Variants in TUSC3 observed in about 807,000 individuals in gnomAD.
TUSC3 encodes dolichyl-diphosphooligosaccharide--protein glycosyltransferase subunit TUSC3.
TUSC3 carries 45 observed loss-of-function variants against 44.8 expected under a neutral mutation model. That is an observed-to-expected ratio of 1.00 (90% CI 0.79 to 1.29). The LOEUF (loss-of-function observed/expected upper bound fraction) is 1.29, where lower values mean the gene tolerates loss of function less well. Among genes scored for constraint, TUSC3 ranks in the 50% most tolerant of loss-of-function variants. The probability of loss-of-function intolerance (pLI) is 0.00; values close to 1 mark genes in which losing one functional copy is unlikely to be tolerated. For synonymous variants in TUSC3, 212 were observed against 152.9 expected, an observed-to-expected ratio of 1.39 and a Z score of -2.85; for missense variants, 519 against 437.9, an observed-to-expected ratio of 1.19 and a Z score of -1.65.
upstream of TUSC3, among the ~76,000 whole-genome samples, chr8:15,535,679 GCA>G (rs1563276888): frequency 1.9e-4 from 29 of 152,280 alleles, no homozygotes; most frequent in African/African-American, 6.7e-4. Flanking sequence ...CATGGAGTTT[GCA>G]TCCTAACGGG....
At chr8:15,481,369 C>T (rs1028038839) in intron 1 of TUSC3, among the ~76,000 whole-genome samples, 1 of 151,962 alleles carries the variant, frequency 6.6e-6, no homozygotes, top group Non-Finnish European at 1.5e-5. Context: ...GTAGCAGCTT[C>T]CTTATTAAAG....
chr8:15,548,484 G>T (rs1585090181), intron 1 of TUSC3, among the ~76,000 whole-genome samples: 1 of 151,818 alleles, frequency 6.6e-6, no homozygotes, highest in African/African-American at 2.4e-5. Flanking sequence ...TGGAGTGTGT[G>T]TATGAGAATG....
intron 1 of TUSC3, among the ~76,000 whole-genome samples, chr8:15,606,861 T>G (rs1371443259): frequency 1.3e-5 from 2 of 152,126 alleles, no homozygotes; most frequent in Non-Finnish European, 2.9e-5. Flanking sequence ...ATAGCCATAT[T>G]GTATCCCTTG....
chr8:15,725,517 A>G (rs1037475217), intron 6 of TUSC3, among the ~76,000 whole-genome samples: 6 of 152,316 alleles, frequency 3.9e-5, no homozygotes, highest in African/African-American at 1.2e-4. Flanking sequence ...AACAGTGGGC[A>G]TCAACCAGTG....
chr8:15,741,706 AT>A (rs1811205060), intron 7 of TUSC3, among the ~76,000 whole-genome samples: 1 of 152,164 alleles, frequency 6.6e-6, no homozygotes, highest in South Asian at 2.1e-4. Context: ...AAAAAAAAAA[AT>A]TAAAAAGTCA....
At chr8:15,696,499 G>A (rs899589059) in intron 6 of TUSC3, among the ~76,000 whole-genome samples, 3 of 152,134 alleles carry the variant, frequency 2.0e-5, no homozygotes, top group East Asian at 1.9e-4. Flanking sequence ...GGGTCAAAGC[G>A]CTCACACAGA....
At position 15,553,176 on chromosome 8, in the gene TUSC3, G is replaced by A. The variant is rs1303216734; in HGVS notation, c.138+12608G>A. 2.0e-5 allele frequency among the ~76,000 whole-genome samples: 3 copies of A among 151,736 alleles called. 1 individual carries two copies. Among genetic ancestry groups the A allele is most frequent in the Non-Finnish European group, 4.4e-5 (3 of 67,896 alleles). On this transcript the variant is annotated intron_variant, in intron 1 of 10. Transcript: ENST00000503731. ...ATATCTAAACTGAGATGTTTGAGAA[G>A]CAGAATATATGGAAATGAAGCTTCG...
chr8:15,432,744 C>T (rs1028677433), intron 1 of TUSC3, among the ~76,000 whole-genome samples: 4 of 152,008 alleles, frequency 2.6e-5, no homozygotes, highest in East Asian at 1.9e-4. Flanking sequence ...GATCCCCTCA[C>T]CCCGCCCCCA....
At chr8:15,493,036 T>G (rs113334776) in intron 2 of TUSC3, among the ~76,000 whole-genome samples, 3 of 152,170 alleles carry the variant, frequency 2.0e-5, no homozygotes, top group Admixed American at 2.0e-4. Flanking sequence ...CTACCACTTA[T>G]TAAACCTCTA....
At chr8:15,462,480 T>A (rs1241885130) in intron 1 of TUSC3, among the ~76,000 whole-genome samples, 1 of 152,100 alleles carries the variant, frequency 6.6e-6, no homozygotes, top group Non-Finnish European at 1.5e-5. Flanking sequence ...TTTGAAACTA[T>A]GCAGACTAGA....
At chr8:15,516,135 G>A (rs1354421666) in intron 2 of TUSC3, among the ~76,000 whole-genome samples, 1 of 152,026 alleles carries the variant, frequency 6.6e-6, no homozygotes, top group Admixed American at 6.6e-5. Context: ...TGACTTTCAT[G>A]GTTGAGTCAA....
chr8:15,517,901 TG>T (rs1277985952), intron 2 of TUSC3, among the ~76,000 whole-genome samples: 1 of 152,112 alleles, frequency 6.6e-6, no homozygotes, highest in Non-Finnish European at 1.5e-5. Context: ...TACAATTCAG[TG>T]GTTTTTACTA....
At position 15,753,975 on chromosome 8, in the gene TUSC3, A is replaced by G. The variant is rs138997107; in HGVS notation, c.1029-3816A>G. On this transcript the variant is annotated intron_variant, in intron 9 of 10. Transcript: ENST00000503731. ...TTGAAAGGTGAGATACTGATAAAGA[A>G]GAGAAAGACCTTTTCCCATCGAATT... Among the ~76,000 whole-genome samples, 917 of 152,232 alleles carry G rather than the reference A, an allele frequency of 6.0e-3. 7 individuals carry two copies. Among genetic ancestry groups the G allele is most frequent in the Non-Finnish European group, 9.7e-3 (658 of 67,966 alleles).
At chr8:15,794,137 A>G in the TUSC3 span, among the ~76,000 whole-genome samples, 1 of 152,216 alleles carries the variant, frequency 6.6e-6, no homozygotes, top group Non-Finnish European at 1.5e-5. Flanking sequence ...CTACTATGTA[A>G]TGCAGTAGAG....
At chr8:15,774,569 T>G in the TUSC3 span, among the ~76,000 whole-genome samples, 1 of 152,168 alleles carries the variant, frequency 6.6e-6, no homozygotes, top group South Asian at 2.1e-4. Context: ...TTTTTTACTT[T>G]TAGTCTCCAG....
At chr8:15,783,691 A>C in the TUSC3 span, among the ~76,000 whole-genome samples, 9 of 152,192 alleles carry the variant, frequency 5.9e-5, no homozygotes, top group Non-Finnish European at 1.3e-4. Flanking sequence ...GTTGTATTTC[A>C]TTCCTTATGC....
chr8:15,832,261 C>A, the TUSC3 span, among the ~76,000 whole-genome samples: 1 of 152,134 alleles, frequency 6.6e-6, no homozygotes, highest in South Asian at 2.1e-4. Flanking sequence ...TTCATTCCCA[C>A]AAGACCCACC....
At chr8:15,459,325 C>G (rs1191522880) in intron 1 of TUSC3, among the ~76,000 whole-genome samples, 1 of 152,080 alleles carries the variant, frequency 6.6e-6, no homozygotes, top group African/African-American at 2.4e-5. Flanking sequence ...GCTTTCATTC[C>G]TGTTCATAAC....
chr8:15,429,479 C>T (rs113554180), intron 1 of TUSC3, among the ~76,000 whole-genome samples: 18,556 of 147,042 alleles, frequency 0.13, 1,416 homozygotes, highest in Middle Eastern at 0.2. Flanking sequence ...ATATGAACTT[C>T]AAAGTAGTTT....
Sources: allele counts gnomAD v4.1 joint callset (sites outside exome capture counted in the v4.1 genomes callset), GRCh38; gene constraint gnomAD v4.1.1; transcripts MANE v1.5; gene names NCBI Gene and HGNC (gene_info 2026-07-23, HGNC 2026-07-21).